CLSTN2: variants seen among roughly 807,000 people sequenced by gnomAD.
CLSTN2 encodes calsyntenin 2.
In CLSTN2, 48 loss-of-function variants were observed where a neutral mutation model predicts 101.2. That is an observed-to-expected ratio of 0.47 (90% confidence interval 0.38 to 0.60). The LOEUF (loss-of-function observed/expected upper bound fraction) is 0.60. Ranked by LOEUF, CLSTN2 falls within the 20% of genes least tolerant of loss-of-function variation. CLSTN2 has a pLI of 0.00. For synonymous variants in CLSTN2, 481 were observed against 463.6 expected (o/e 1.04, Z -0.48); for missense variants, 1,160 against 1,238.2 (o/e 0.94, Z 0.95).
chr3:140,219,212 C>T (rs2086241506), intron 2 of CLSTN2, among the ~76,000 whole-genome samples: 1 of 151,916 alleles, frequency 6.6e-6, no homozygotes, highest in African/African-American at 2.4e-5. Context: ...GAGTGAGGTG[C>T]ATAGCCTTCC....
chr3:140,249,870 T>C (rs2086547698), intron 2 of CLSTN2, among the ~76,000 whole-genome samples: 1 of 152,120 alleles, frequency 6.6e-6, no homozygotes, highest in Admixed American at 6.5e-5. Flanking sequence ...TTTAGAATGC[T>C]CACCAAAAAC....
At chr3:139,952,663 C>G (rs1173029911) in intron 1 of CLSTN2, among the ~76,000 whole-genome samples, 4 of 152,162 alleles carry the variant, frequency 2.6e-5, no homozygotes, top group African/African-American at 4.8e-5. Flanking sequence ...AAACGGATGC[C>G]TAGGGCATGG....
chr3:140,351,143 T>C (rs1479798682), intron 2 of CLSTN2, among the ~76,000 whole-genome samples: 1 of 152,146 alleles, frequency 6.6e-6, no homozygotes, highest in Non-Finnish European at 1.5e-5. Context: ...TGAAGTGTGA[T>C]TTAAAGTGGA....
At chr3:140,134,248 C>T (rs2009565724) in intron 1 of CLSTN2, among the ~76,000 whole-genome samples, 1 of 152,156 alleles carries the variant, frequency 6.6e-6, no homozygotes, top group Non-Finnish European at 1.5e-5. Context: ...TCCCTCCTCT[C>T]CCCCTATGTG....
chr3:140,359,587 C>T (rs1165075010), intron 2 of CLSTN2, among the ~76,000 whole-genome samples: 3 of 152,146 alleles, frequency 2.0e-5, no homozygotes, highest in Non-Finnish European at 4.4e-5. Flanking sequence ...TGCAGGCTGT[C>T]CAGAGCAGCA....
At chr3:139,953,569 A>C (rs1467315837) in intron 1 of CLSTN2, among the ~76,000 whole-genome samples, 1 of 152,132 alleles carries the variant, frequency 6.6e-6, no homozygotes, top group Non-Finnish European at 1.5e-5. Context: ...GTGGCAGGTC[A>C]GTAGTCAGAG....
intron 2 of CLSTN2, among the ~76,000 whole-genome samples, chr3:140,210,191 A>G (rs1226792601): frequency 6.6e-6 from 1 of 152,230 alleles, no homozygotes; most frequent in Non-Finnish European, 1.5e-5. Context: ...ATCGAGGCAC[A>G]AAGAACTCGC....
intron 2 of CLSTN2, among the ~76,000 whole-genome samples, chr3:140,278,912 G>A (rs905395367): frequency 1.3e-5 from 2 of 151,940 alleles, no homozygotes; most frequent in African/African-American, 2.4e-5. Flanking sequence ...CTAGAGACAG[G>A]GTCTCACTAT....
At chr3:140,135,816 A>G (rs539135043) in intron 1 of CLSTN2, among the ~76,000 whole-genome samples, 1 of 152,288 alleles carries the variant, frequency 6.6e-6, no homozygotes, top group African/African-American at 2.4e-5. Context: ...GATCCCCTCC[A>G]TTTTAGGAAT....
intron 2 of CLSTN2, among the ~76,000 whole-genome samples, chr3:140,315,712 G>T (rs933023722): frequency 6.6e-6 from 1 of 152,172 alleles, no homozygotes; most frequent in Admixed American, 6.5e-5. Context: ...GCTCCCTCTA[G>T]CAATTTGTCT....
intron 1 of CLSTN2, among the ~76,000 whole-genome samples, chr3:139,962,977 A>T (rs1481809185): frequency 6.6e-6 from 1 of 152,078 alleles, no homozygotes; most frequent in African/African-American, 2.4e-5. Flanking sequence ...GTGACTGGTG[A>T]TTATCTCTTA....
At chr3:140,265,900 T>A (rs1205092721) in intron 2 of CLSTN2, among the ~76,000 whole-genome samples, 1 of 152,158 alleles carries the variant, frequency 6.6e-6, no homozygotes, top group Non-Finnish European at 1.5e-5. Context: ...TCAGAAAGCA[T>A]CCCTGCACTG....
At chr3:140,128,190 G>A (rs975116009) in intron 1 of CLSTN2, among the ~76,000 whole-genome samples, 1 of 152,126 alleles carries the variant, frequency 6.6e-6, no homozygotes, top group Non-Finnish European at 1.5e-5. Context: ...AATAGGTTAA[G>A]AAATGTTAAG....
At chr3:140,115,092 A>G (rs2009219151) in intron 1 of CLSTN2, among the ~76,000 whole-genome samples, 1 of 152,218 alleles carries the variant, frequency 6.6e-6, no homozygotes, top group South Asian at 2.1e-4. Context: ...CCCTGAAAGG[A>G]AGAAACAATA....
chr3:140,316,491 A>C (rs2107920669), intron 2 of CLSTN2, among the ~76,000 whole-genome samples: 1 of 152,068 alleles, frequency 6.6e-6, no homozygotes, highest in East Asian at 1.9e-4. Flanking sequence ...CTTTTCCATG[A>C]AGCTCCTTCT....
At chr3:140,226,134 A>G (rs529456305) in intron 2 of CLSTN2, among the ~76,000 whole-genome samples, 77 of 152,176 alleles carry the variant, frequency 5.1e-4, no homozygotes, top group African/African-American at 1.0e-3. Context: ...GCCTACATAC[A>G]TGCTGCATGA....
chr3:140,511,961 G>A (rs1934823996), intron 8 of CLSTN2, among the ~76,000 whole-genome samples: 1 of 151,658 alleles, frequency 6.6e-6, no homozygotes, highest in African/African-American at 2.4e-5. Context: ...GTCTGTTCAT[G>A]TCCTTTGCCC....
intron 1 of CLSTN2, among the ~76,000 whole-genome samples, chr3:139,975,194 AG>A (rs1576382708): frequency 6.6e-6 from 1 of 152,046 alleles, no homozygotes; most frequent in Non-Finnish European, 1.5e-5. Flanking sequence ...AGCCCTAAGG[AG>A]GGGGAGTAGC....
intron 1 of CLSTN2, among the ~76,000 whole-genome samples, chr3:140,129,889 C>T (rs1016350964): frequency 6.6e-6 from 1 of 152,128 alleles, no homozygotes; most frequent in African/African-American, 2.4e-5. Context: ...GTCGGAAGAC[C>T]ACTCTCCAAT....
Sources: gnomAD v4.1 joint callset for allele counts (sites outside exome capture counted in the v4.1 genomes callset) on GRCh38, gnomAD v4.1.1 for gene constraint, MANE v1.5 for transcripts, NCBI Gene and HGNC (gene_info 2026-07-23, HGNC 2026-07-21) for gene names.